Variants in SOX6 observed in about 807,000 individuals in gnomAD.
SOX6 encodes the protein transcription factor SOX-6.
Under a neutral mutation model 97.8 loss-of-function variants are expected in SOX6, and 11 were observed. The observed-to-expected ratio is 0.11, with a 90% CI of 0.07 to 0.19. SOX6 has a LOEUF of 0.19. Among genes scored for constraint, SOX6 ranks in the 10% least tolerant of loss-of-function variants. The pLI, the probability that SOX6 is intolerant of heterozygous loss-of-function variation, is 1.00. For synonymous variants in SOX6, 360 were observed against 371.4 expected (o/e 0.97, Z 0.35); for missense variants, 810 against 1,039.5 (o/e 0.78, Z 3.04).
intron 4 of SOX6, among the ~76,000 whole-genome samples, chr11:16,529,527 CCTAA>C (rs1227106981): frequency 6.6e-6 from 1 of 152,050 alleles, no homozygotes; most frequent in African/African-American, 2.4e-5. Context: ...TACAATTTGG[CCTAA>C]CTATTCTCCT....
At chr11:16,718,793 C>T (rs1386829120) in intron 2 of SOX6, among the ~76,000 whole-genome samples, 2 of 151,540 alleles carry the variant, frequency 1.3e-5, no homozygotes, top group African/African-American at 2.4e-5. Context: ...AAAATAAATG[C>T]TGTTTTATTA....
chr11:16,657,850 A>G (rs1272613029), intron 3 of SOX6, among the ~76,000 whole-genome samples: 1 of 152,170 alleles, frequency 6.6e-6, no homozygotes, highest in Non-Finnish European at 1.5e-5. Context: ...CTGTATTCTA[A>G]GGGTTCCTTA....
chr11:16,208,366 C>T (rs1173057938), intron 4 of SOX6, among the ~76,000 whole-genome samples: 1 of 152,144 alleles, frequency 6.6e-6, no homozygotes, highest in Non-Finnish European at 1.5e-5. Flanking sequence ...ATACTATAAT[C>T]TTTTCTGTCT....
chr11:16,666,094 AC>A (rs1847805184), intron 3 of SOX6, among the ~76,000 whole-genome samples: 1 of 152,164 alleles, frequency 6.6e-6, no homozygotes, highest in African/African-American at 2.4e-5. Context: ...ACAGATACAA[AC>A]AAGCCCAGAC....
intron 3 of SOX6, among the ~76,000 whole-genome samples, chr11:16,278,192 CA>C (rs1484573364): frequency 6.6e-6 from 1 of 152,026 alleles, no homozygotes; most frequent in Non-Finnish European, 1.5e-5. Context: ...AGCTTACTTC[CA>C]AAATGCCAAA....
At chr11:16,626,589 G>A (rs984551409) in intron 3 of SOX6, among the ~76,000 whole-genome samples, 3 of 152,104 alleles carry the variant, frequency 2.0e-5, no homozygotes, top group African/African-American at 4.8e-5. Flanking sequence ...AAAGCCTGCT[G>A]GGATTTTTAT....
rs1855843549 is a variant in SOX6 at position 16,046,673 on chromosome 11, G to A, written c.1464C>T (p.Ala488=). Residue 488 remains alanine (A), a synonymous_variant, in exon 12 of 16, where the codon GCC becomes GCT. Transcript: ENST00000683767. The part of the protein sequence containing the change: ...LDILSSLNSP[A]LFGDQDTVMK... ...TCACTGTATCCTGATCCCCAAAAAG[G>A]GCAGGGGAGTTGAGACTAGATAGGA... is the stretch of plus-strand genomic sequence containing the variant. 1 of 1,613,488 alleles carries A rather than the reference G, an allele frequency of 6.2e-7. No individual in the cohort carries two copies. The highest frequency in any genetic ancestry group is 1.1e-5 in the South Asian group (1 of 91,080).
chr11:16,688,281 T>C (rs1847984394), intron 3 of SOX6, among the ~76,000 whole-genome samples: 1 of 152,216 alleles, frequency 6.6e-6, no homozygotes, highest in Non-Finnish European at 1.5e-5. Flanking sequence ...TAATAAATTT[T>C]TATTATAATG....
intron 3 of SOX6, among the ~76,000 whole-genome samples, chr11:16,669,196 T>C (rs1431152714): frequency 6.6e-6 from 1 of 152,174 alleles, no homozygotes; most frequent in Non-Finnish European, 1.5e-5. Flanking sequence ...TCAAGTATCT[T>C]CTCTGACCAT....
intron 15 of SOX6, among the ~76,000 whole-genome samples, chr11:15,973,419 G>A (rs184992128): frequency 7.9e-5 from 12 of 152,270 alleles, no homozygotes; most frequent in Admixed American, 2.6e-4. Flanking sequence ...AGGAACAAAT[G>A]ATGTAGTGAA....
chr11:16,103,454 G>C (rs1013255171), intron 7 of SOX6, among the ~76,000 whole-genome samples: 4 of 151,884 alleles, frequency 2.6e-5, no homozygotes, highest in Non-Finnish European at 4.4e-5. Context: ...ATGAAAAAGA[G>C]TATGAAGAGT....
intron 4 of SOX6, chr11:16,484,052 G>C (rs1860391184): frequency 1.3e-6 from 1 of 778,330 alleles, no homozygotes; most frequent in Non-Finnish European, 2.4e-6. Flanking sequence ...AGCCGAGGGG[G>C]CTGTAGGCAG....
chr11:16,203,174 T>C (rs992438446), intron 4 of SOX6, among the ~76,000 whole-genome samples: 2 of 152,088 alleles, frequency 1.3e-5, no homozygotes, highest in Non-Finnish European at 2.9e-5. Context: ...CCAATGTAAC[T>C]GAATATAGGT....
At chr11:16,245,281 C>T (rs750445420) in intron 3 of SOX6, among the ~76,000 whole-genome samples, 12 of 151,468 alleles carry the variant, frequency 7.9e-5, no homozygotes, top group Non-Finnish European at 1.6e-4. Context: ...ACTTCATTTC[C>T]ATGTCAGAAA....
Position 15,970,234 on chromosome 11 carries a change from T to G in SOX6, c.*2575A>C, listed in dbSNP as rs780594368. On this transcript the variant is annotated 3_prime_UTR_variant, in exon 16 of 16. Coordinates refer to ENST00000683767, the MANE Select transcript of SOX6 (RefSeq NM_001367873.1). ...AAACAACATCTGTGAGTGTGTGTGT[T>G]TTTTGTTTTTTTTTACTTACTATGA... 6.6e-6 allele frequency: 1 copy of G among 152,632 alleles called. No individual in the cohort carries two copies. Among genetic ancestry groups the G allele is most frequent in the Non-Finnish European group, 1.5e-5 (1 of 68,040 alleles). 9.5% of individuals were successfully genotyped at this position (152,632 alleles called of 1,614,324 possible).
intron 2 of SOX6, among the ~76,000 whole-genome samples, chr11:16,721,563 C>CCTCT (rs1848265125): frequency 6.0e-5 from 1 of 16,582 alleles, no homozygotes; most frequent in African/African-American, 2.2e-4. Flanking sequence ...CCCCCCCCTC[C>CCTCT]CTCCCTCCCT....
chr11:16,213,792 A>AG (rs1852292958), intron 4 of SOX6, among the ~76,000 whole-genome samples: 1 of 152,212 alleles, frequency 6.6e-6, no homozygotes, highest in Non-Finnish European at 1.5e-5. Context: ...AATTATGAAC[A>AG]CCAATTTCAA....
At chr11:16,135,682 CTGA>C (rs1453717726) in intron 6 of SOX6, among the ~76,000 whole-genome samples, 1 of 152,162 alleles carries the variant, frequency 6.6e-6, no homozygotes, top group East Asian at 1.9e-4. Context: ...AGCAAAGAAG[CTGA>C]TTTCTTGAGA....
intron 6 of SOX6, among the ~76,000 whole-genome samples, chr11:16,145,886 T>C (rs1366374122): frequency 1.3e-5 from 2 of 152,180 alleles, no homozygotes; most frequent in Non-Finnish European, 1.5e-5. Context: ...TCCACGCTCA[T>C]GGGTAGGAAG....
Sources: allele counts gnomAD v4.1 joint callset (sites outside exome capture counted in the v4.1 genomes callset), GRCh38; gene constraint gnomAD v4.1.1; transcripts MANE v1.5; gene names NCBI Gene and HGNC (gene_info 2026-07-23, HGNC 2026-07-21).